Variants in GYPC observed in about 807,000 individuals in gnomAD.
The protein encoded by GYPC is glycophorin-C.
In GYPC, 14 loss-of-function variants were observed where a neutral mutation model predicts 12.6. The observed-to-expected ratio is 1.11, with a 90% CI of 0.74 to 1.74. GYPC has a LOEUF of 1.74. Among genes scored for constraint, GYPC ranks in the 40% most tolerant of loss-of-function variants. The probability of loss-of-function intolerance (pLI) is 0.00; values close to 1 mark genes in which losing one functional copy is unlikely to be tolerated. For synonymous variants in GYPC, 78 were observed against 62.1 expected, an observed-to-expected ratio of 1.26 and a Z score of -1.20; for missense variants, 225 against 172.1, an observed-to-expected ratio of 1.31 and a Z score of -1.72.
intron 1 of GYPC, among the ~76,000 whole-genome samples, chr2:126,679,395 T>C (rs1332084224): frequency 1.3e-5 from 2 of 152,198 alleles, no homozygotes; most frequent in South Asian, 2.1e-4. Context: ...GGAGTGACTA[T>C]TGAGCGACTT....
At chr2:126,675,220 T>C (rs1682964388) in intron 1 of GYPC, among the ~76,000 whole-genome samples, 1 of 152,220 alleles carries the variant, frequency 6.6e-6, no homozygotes, top group African/African-American at 2.4e-5. Flanking sequence ...TCCCATCCTT[T>C]GCATCCATCT....
intron 2 of GYPC, among the ~76,000 whole-genome samples, chr2:126,691,597 A>ATCT (rs992603487): frequency 3.3e-5 from 5 of 151,938 alleles, no homozygotes; most frequent in African/African-American, 1.2e-4. Context: ...TAATAGCCTC[A>ATCT]TTTTTCCCCC....
chr2:126,695,423 G>A (rs1278055705), intron 3 of GYPC, among the ~76,000 whole-genome samples: 4 of 152,202 alleles, frequency 2.6e-5, no homozygotes, highest in East Asian at 1.9e-4. Flanking sequence ...ACAGGTTACA[G>A]TGCCACCACA....
intron 1 of GYPC, among the ~76,000 whole-genome samples, chr2:126,684,480 C>T (rs1683232166): frequency 6.6e-6 from 1 of 152,162 alleles, no homozygotes; most frequent in African/African-American, 2.4e-5. Context: ...CTCCCACCAC[C>T]ATGCCCACTA....
In GYPC at chr2:126,656,285, A is replaced by G. The variant is rs1682349192; in HGVS notation, c.22A>G (p.Asn8Asp). 1 of 1,602,394 alleles carries G rather than the reference A, an allele frequency of 6.2e-7. No individual in the cohort carries two copies. MWSTRSP[N>D]STAWPLSLEP... ...AGGAATGTGGTCGACGAGAAGCCCC[A>G]ACAGCACGGCGTGGCCTCTCAGCCT... The change falls in exon 1 of 4, where the codon AAC becomes GAC. Residue 8 changes from asparagine to aspartate, a missense_variant. Physicochemically the swap from Asn to Asp is conservative, Grantham distance 23 (BLOSUM62 1). Transcript: ENST00000259254.
At chr2:126,656,455 C>G in intron 1 of GYPC, 143 bp downstream of exon 1, 2 of 675,630 alleles carry the variant, frequency 3.0e-6, no homozygotes, top group Non-Finnish European at 4.9e-6. Flanking sequence ...CCGCTGGGCT[C>G]AGATCCCCGA....
intron 1 of GYPC, among the ~76,000 whole-genome samples, chr2:126,683,319 C>A (rs28387182): frequency 6.7e-6 from 1 of 148,254 alleles, no homozygotes; most frequent in African/African-American, 2.5e-5. Context: ...GACTCTGTCT[C>A]AAAAAAAAAA....
chr2:126,660,902 T>C (rs1309728278), intron 1 of GYPC, among the ~76,000 whole-genome samples: 1 of 152,058 alleles, frequency 6.6e-6, no homozygotes, highest in African/African-American at 2.4e-5. Context: ...TGGGGTTCAT[T>C]TTCATATCCA....
At chr2:126,673,717 T>C (rs1041243811) in intron 1 of GYPC, among the ~76,000 whole-genome samples, 6 of 152,208 alleles carry the variant, frequency 3.9e-5, no homozygotes, top group Admixed American at 2.0e-4. Flanking sequence ...TTAGGTACCA[T>C]AATTTTAAGT....
In GYPC at chr2:126,695,938, A is replaced by G; in HGVS notation, c.191-8A>G. 6.2e-7 allele frequency: 1 copy of G among 1,612,508 alleles called. No individual in the cohort carries two copies. Among genetic ancestry groups the G allele is most frequent in the Non-Finnish European group, 8.5e-7 (1 of 1,178,962 alleles). The stretch of plus-strand genomic sequence containing the variant: ...CAGACTGACCCTTGCACCTCTTCCC[A>G]CCTGCAGGTGTGATTGCTGCTGTGG... On this transcript the variant is annotated splice_polypyrimidine_tract_variant and splice_region_variant and intron_variant, in intron 3 of 3. Transcript: ENST00000259254.
chr2:126,657,351 C>T (rs2104764504), intron 1 of GYPC, among the ~76,000 whole-genome samples: 1 of 152,334 alleles, frequency 6.6e-6, no homozygotes, highest in Admixed American at 6.5e-5. Flanking sequence ...TCAGTCTGCA[C>T]TGGGATCATC....
chr2:126,691,132 G>A (rs1387663811), intron 2 of GYPC, among the ~76,000 whole-genome samples: 1 of 152,136 alleles, frequency 6.6e-6, no homozygotes, highest in African/African-American at 2.4e-5. Context: ...TTCTATAAAG[G>A]TGGGACTTGG....
intron 1 of GYPC, among the ~76,000 whole-genome samples, chr2:126,683,975 G>A (rs1683218484): frequency 6.6e-6 from 1 of 152,206 alleles, no homozygotes; most frequent in South Asian, 2.1e-4. Flanking sequence ...TCCAGATGGT[G>A]CAGTGCAGCC....
At position 126,686,452 on chromosome 2, in the gene GYPC, C is replaced by T. The variant is rs1683291503; in HGVS notation, c.50-3803C>T. 3.0e-6 allele frequency: 3 copies of T among 985,296 alleles called. No individual in the cohort carries two copies. In the South Asian group the frequency reaches 1.4e-4, roughly 46 times the overall value. The allele number at this position is 985,296 out of a possible 1,614,324, so 61.0% of individuals were successfully genotyped here. On this transcript the variant is annotated intron_variant, in intron 1 of 3. Transcript: ENST00000259254. ...TAGTAGGAATGACTGTAGCCAATGG[C>T]AAATCCCATGGATGAAAAGCCACTC...
At chr2:126,660,131 G>A (rs1293346958) in intron 1 of GYPC, among the ~76,000 whole-genome samples, 1 of 152,216 alleles carries the variant, frequency 6.6e-6, no homozygotes, top group Admixed American at 6.5e-5. Flanking sequence ...TGGGCCCACA[G>A]CTTGTATGTG....
At chr2:126,659,088 T>A (rs1346312281) in intron 1 of GYPC, among the ~76,000 whole-genome samples, 1 of 152,020 alleles carries the variant, frequency 6.6e-6, no homozygotes, top group African/African-American at 2.4e-5. Context: ...AAATAGCCTA[T>A]GAAAGTCACT....
chr2:126,672,300 T>A (rs1363842975), intron 1 of GYPC, among the ~76,000 whole-genome samples: 1 of 152,122 alleles, frequency 6.6e-6, no homozygotes, highest in African/African-American at 2.4e-5. Context: ...CCGGGCAACC[T>A]GTGACATGCG....
chr2:126,666,742 CACACACACACACACAT>C (rs1355418027), intron 1 of GYPC, among the ~76,000 whole-genome samples: 6 of 149,652 alleles, frequency 4.0e-5, no homozygotes, highest in East Asian at 2.0e-4. Flanking sequence ...CACACACACA[CACACACACACACACAT>C]ATGCACGCAC....
At chr2:126,690,383 C>A (rs1183270318) in intron 2 of GYPC, 72 bp downstream of exon 2, 7 of 1,135,254 alleles carry the variant, frequency 6.2e-6, no homozygotes, top group Non-Finnish European at 9.4e-6. Flanking sequence ...ATCACAGAGC[C>A]CTTTAAGCAG....
Sources: gnomAD v4.1 joint callset for allele counts (sites outside exome capture counted in the v4.1 genomes callset) on GRCh38, gnomAD v4.1.1 for gene constraint, MANE v1.5 for transcripts, NCBI Gene and HGNC (gene_info 2026-07-23, HGNC 2026-07-21) for gene names.